Variants in BICC1 observed in about 807,000 individuals in gnomAD.
BICC1 encodes the protein protein bicaudal C homolog 1.
Under a neutral mutation model 111.0 loss-of-function variants are expected in BICC1, and 43 were observed. That is an observed-to-expected ratio of 0.39 (90% confidence interval 0.30 to 0.50). The LOEUF (loss-of-function observed/expected upper bound fraction) is 0.50, where lower values mean the gene tolerates loss of function less well. BICC1 is among the 20% of genes least tolerant of loss of function. The pLI, the probability that BICC1 is intolerant of heterozygous loss-of-function variation, is 0.88. For synonymous variants in BICC1, 467 were observed against 434.4 expected (o/e 1.07, Z -0.93); for missense variants, 1,091 against 1,203.2 (o/e 0.91, Z 1.38).
chr10:58,521,397 A>T (rs920324571), intron 1 of BICC1, among the ~76,000 whole-genome samples: 2 of 152,172 alleles, frequency 1.3e-5, no homozygotes, highest in African/African-American at 4.8e-5. Flanking sequence ...CCGCTGTCCC[A>T]ACCACTTCTG....
chr10:58,588,552 G>C (rs1009959010), intron 1 of BICC1, among the ~76,000 whole-genome samples: 3 of 152,132 alleles, frequency 2.0e-5, no homozygotes, highest in Non-Finnish European at 2.9e-5. Context: ...GCCAGTGATG[G>C]AGAGGGAAGA....
chr10:58,798,313 T>A, intron 10 of BICC1, 86 bp from the exon 11 acceptor site: 1 of 972,510 alleles, frequency 1.0e-6, no homozygotes, highest in South Asian at 2.2e-5. Flanking sequence ...TATATCATTG[T>A]GCATTCCCAA....
At chr10:58,717,080 T>G (rs1840768846) in intron 3 of BICC1, among the ~76,000 whole-genome samples, 1 of 152,218 alleles carries the variant, frequency 6.6e-6, no homozygotes, top group South Asian at 2.1e-4. Context: ...GAATTAATTT[T>G]TACTACACTT....
chr10:58,666,717 C>T (rs564818939), intron 2 of BICC1, among the ~76,000 whole-genome samples: 2 of 152,050 alleles, frequency 1.3e-5, no homozygotes, highest in African/African-American at 4.8e-5. Context: ...AATAGTGAGG[C>T]CTTCCTTTTA....
intron 2 of BICC1, among the ~76,000 whole-genome samples, chr10:58,679,752 G>A (rs747759158): frequency 4.0e-5 from 6 of 151,874 alleles, no homozygotes; most frequent in Admixed American, 6.6e-5. Context: ...ATTTCAGGCC[G>A]GTACCCCTGA....
intron 1 of BICC1, among the ~76,000 whole-genome samples, chr10:58,529,137 T>TTAAC (rs2131848061): frequency 6.6e-6 from 1 of 152,070 alleles, no homozygotes; most frequent in African/African-American, 2.4e-5. Flanking sequence ...CTTGTTGGTG[T>TTAAC]TAACATACTT....
At chr10:58,756,208 A>G (rs909035098) in intron 3 of BICC1, among the ~76,000 whole-genome samples, 1 of 151,756 alleles carries the variant, frequency 6.6e-6, no homozygotes, top group Non-Finnish European at 1.5e-5. Flanking sequence ...GTATCTTAGA[A>G]GGCAATAGAT....
At chr10:58,666,741 A>G (rs1839024573) in intron 2 of BICC1, among the ~76,000 whole-genome samples, 1 of 152,166 alleles carries the variant, frequency 6.6e-6, no homozygotes, top group Admixed American at 6.6e-5. Context: ...GACTAAAGAC[A>G]GAAAACCAAT....
intron 1 of BICC1, among the ~76,000 whole-genome samples, chr10:58,535,590 T>C (rs908199248): frequency 1.3e-5 from 2 of 151,648 alleles, no homozygotes; most frequent in African/African-American, 4.8e-5. Context: ...GTTCTAAATC[T>C]TGAAAGAAAA....
chr10:58,589,461 C>CTT (rs35939695), intron 1 of BICC1, among the ~76,000 whole-genome samples: 45 of 148,884 alleles, frequency 3.0e-4, no homozygotes, highest in Admixed American at 5.4e-4. Context: ...TACAGCTTTA[C>CTT]TTTTTTTTTT....
chr10:58,611,164 T>A (rs1465176637), intron 1 of BICC1, among the ~76,000 whole-genome samples: 4 of 152,230 alleles, frequency 2.6e-5, no homozygotes, highest in Non-Finnish European at 4.4e-5. Flanking sequence ...AAACCTTGGT[T>A]CATTCTCAAA....
intron 3 of BICC1, among the ~76,000 whole-genome samples, chr10:58,743,420 C>CT (rs1230331853): frequency 6.6e-6 from 1 of 150,684 alleles, no homozygotes; most frequent in Non-Finnish European, 1.5e-5. Flanking sequence ...ACCAGGGCCT[C>CT]TTCCCCTCTC....
At chr10:58,690,953 C>T (rs1839890197) in intron 2 of BICC1, among the ~76,000 whole-genome samples, 1 of 152,090 alleles carries the variant, frequency 6.6e-6, no homozygotes, top group African/African-American at 2.4e-5. Context: ...TCCGTTCCTC[C>T]CCCAAGTTTG....
chr10:58,794,171 G>T (rs1243378368), intron 9 of BICC1, among the ~76,000 whole-genome samples: 38 of 139,460 alleles, frequency 2.7e-4, no homozygotes, highest in African/African-American at 1.0e-3. Flanking sequence ...TGTTTTGTGT[G>T]TGTGTGTGTG....
intron 2 of BICC1, among the ~76,000 whole-genome samples, chr10:58,639,549 C>T (rs1838055924): frequency 6.8e-6 from 1 of 146,502 alleles, no homozygotes; most frequent in Admixed American, 6.9e-5. Context: ...AGGCGCCTGC[C>T]ACCACACCCA....
intron 1 of BICC1, among the ~76,000 whole-genome samples, chr10:58,600,497 C>A (rs1844991576): frequency 6.6e-6 from 1 of 152,148 alleles, no homozygotes; most frequent in South Asian, 2.1e-4. Context: ...CTGTTTTGTA[C>A]ATTCATTTTG....
At chr10:58,628,172 T>C (rs1198124980) in intron 2 of BICC1, among the ~76,000 whole-genome samples, 1 of 152,172 alleles carries the variant, frequency 6.6e-6, no homozygotes, top group Non-Finnish European at 1.5e-5. Context: ...ACAATGGACC[T>C]CCATTACTTT....
At chr10:58,758,508 C>T (rs1162469548) in intron 3 of BICC1, among the ~76,000 whole-genome samples, 1 of 152,318 alleles carries the variant, frequency 6.6e-6, no homozygotes, top group South Asian at 2.1e-4. Flanking sequence ...CTCCTCTTCC[C>T]TATAAGGTCT....
At chr10:58,607,415 A>T (rs1483179517) in intron 1 of BICC1, among the ~76,000 whole-genome samples, 1 of 151,830 alleles carries the variant, frequency 6.6e-6, no homozygotes, top group African/African-American at 2.4e-5. Flanking sequence ...TATCAATTGT[A>T]AGTTAAAAAA....
Sources: gnomAD v4.1 joint callset for allele counts (sites outside exome capture counted in the v4.1 genomes callset) on GRCh38, gnomAD v4.1.1 for gene constraint, MANE v1.5 for transcripts, NCBI Gene and HGNC (gene_info 2026-07-23, HGNC 2026-07-21) for gene names.